Variants in LMTK3 observed in about 807,000 individuals in gnomAD.
LMTK3 encodes the protein serine/threonine-protein kinase LMTK3.
LMTK3 carries 27 observed loss-of-function variants against 116.7 expected under a neutral mutation model. That is an observed-to-expected ratio of 0.23 (90% CI 0.17 to 0.32). LMTK3 has a LOEUF of 0.32. Ranked by LOEUF, LMTK3 falls within the 10% of genes least tolerant of loss-of-function variation. The probability of loss-of-function intolerance (pLI) is 1.00; values close to 1 mark genes in which losing one functional copy is unlikely to be tolerated. For synonymous variants in LMTK3, 965 were observed against 971.0 expected, an observed-to-expected ratio of 0.99 and a Z score of 0.11; for missense variants, 1,764 against 2,068.5, an observed-to-expected ratio of 0.85 and a Z score of 2.86.
chr19:48,488,057 C>T (rs145045382), intron 14 of LMTK3, among the ~76,000 whole-genome samples: 14 of 152,082 alleles, frequency 9.2e-5, no homozygotes, highest in Non-Finnish European at 1.9e-4. Context: ...GTCAACTGAG[C>T]GAAAGGATTT....
rs896559641 is a variant in LMTK3, at chr19:48,494,043, G to A, written c.3743C>T (p.Pro1248Leu). The A allele has an allele frequency of 1.0e-5, 12 of 1,173,286 alleles. No individual in the cohort carries two copies. The Admixed American group carries it at 4.6e-4, about 45-fold the overall frequency. The allele number at this position is 1,173,286 out of a possible 1,614,324, so 72.7% of individuals were successfully genotyped here. ...LTLTPFPGPGPRRPPWEGADA... is the reference protein window; with the variant it reads ...LTLTPFPGPGLRRPPWEGADA... ...CGCGCCCTCCCACGGGGGCCGCCGC[G>A]GGCCCGGCCCCGGGAATGGCGTGAG... The change falls in exon 12 of 15, where the codon CCG becomes CTG. Residue 1248 changes from proline (P) to leucine (L), a missense_variant. By Grantham distance (98) the Pro-to-Leu change is moderately conservative (BLOSUM62 -3). Coordinates refer to ENST00000600059, the MANE Select transcript of LMTK3 (RefSeq NM_001388485.1). This position sits in a 1 kb window ranked among gnomAD's most constrained non-coding sequence, Gnocchi z 4.0.
rs1601043776 is a variant in LMTK3, at chr19:48,493,833, G to A, written c.3953C>T (p.Ala1318Val). ...AAPVPVVVSS[A>V]DADAARPLRG... ...CAGCGGGCGGGCCGCGTCCGCGTCG[G>A]CGCTGCTCACCACGACGGGCACCGG... The change falls in exon 12 of 15, where the codon GCC becomes GTC. Residue 1318 changes from alanine to valine, a missense_variant. Around this residue, in one of 7 missense-constraint regions of LMTK3, gnomAD observed 281 missense variants for 301.4 expected, o/e 0.93. Coordinates refer to ENST00000600059, the MANE Select transcript of LMTK3 (RefSeq NM_001388485.1). 6.8e-7 allele frequency: 1 copy of A among 1,471,700 alleles called. No homozygotes were observed. Among genetic ancestry groups the A allele is most frequent in the Non-Finnish European group, 9.0e-7 (1 of 1,112,252 alleles). 91.2% of individuals were successfully genotyped at this position (1,471,700 alleles called of 1,614,324 possible).
At position 48,500,001 on chromosome 19, in the gene LMTK3, A is replaced by G; in HGVS notation, c.1152-84T>C. 7.5e-7 allele frequency: 1 copy of G among 1,335,892 alleles called. No homozygotes were observed. Among genetic ancestry groups the G allele is most frequent in the Non-Finnish European group, 1.0e-6 (1 of 991,838 alleles). 82.8% of individuals were successfully genotyped at this position (1,335,892 alleles called of 1,614,324 possible). A position where few individuals can be genotyped will look rare whatever the true frequency, so the allele number is the denominator to read the frequency against. ...AGGGAGGGGACAGACAACCAGAGAG[A>G]GGGGGACAGAGACCCAGAGGGTAAC... On this transcript the variant is annotated intron_variant, in intron 10 of 14. Coordinates refer to ENST00000600059, the MANE Select transcript of LMTK3 (RefSeq NM_001388485.1). The surrounding 1 kb of genome is among the most constrained non-coding windows in gnomAD (Gnocchi z 4.0).
intron 11 of LMTK3, among the ~76,000 whole-genome samples, chr19:48,496,605 T>C (rs919763942): frequency 5.3e-5 from 8 of 152,214 alleles, no homozygotes; most frequent in East Asian, 3.9e-4. Flanking sequence ...GCCCGGCCCA[T>C]GCCTGGCTAA....
intron 5 of LMTK3, among the ~76,000 whole-genome samples, chr19:48,506,784 C>T (rs566184091): frequency 1.1e-3 from 170 of 152,278 alleles, no homozygotes; most frequent in Non-Finnish European, 9.0e-4. Context: ...CCTGCCTCAG[C>T]CTCCTGAGTA....
Position 48,485,683 on chromosome 19 carries a change from C to G in LMTK3, c.*90G>C, listed in dbSNP as rs564937602. 45 of 1,443,954 alleles carry G rather than the reference C, an allele frequency of 3.1e-5. No homozygotes were observed. The East Asian group carries it at 1.0e-3, about 33-fold the overall frequency. 89.4% of individuals were successfully genotyped at this position (1,443,954 alleles called of 1,614,324 possible). On this transcript the variant is annotated 3_prime_UTR_variant, in exon 15 of 15. Transcript: ENST00000600059. The stretch of plus-strand genomic sequence containing the variant: ...TCGGGGGCCTCCCCAGAGGCGGCGT[C>G]TGCGGTGGTGGCAGTGGCGCCGTCA...
Position 48,502,421 on chromosome 19 carries a change from C to G in LMTK3, c.794+12G>C. Reference sequence around the variant, plus strand: ...CTTAGTAGCTCCTCCCGCGGCTCCCCGGCCCGCCCACCTGTGCACGTAGTT... The same window carrying G: ...CTTAGTAGCTCCTCCCGCGGCTCCCGGGCCCGCCCACCTGTGCACGTAGTT... On this transcript the variant is annotated intron_variant, in intron 7 of 14. Coordinates refer to ENST00000600059, the MANE Select transcript of LMTK3 (RefSeq NM_001388485.1). 1 of 1,608,342 alleles carries G rather than the reference C, an allele frequency of 6.2e-7. No individual in the cohort carries two copies. Among genetic ancestry groups the G allele is most frequent in the Non-Finnish European group, 8.5e-7 (1 of 1,178,200 alleles).
intron 1 of LMTK3, 64 bp from the exon 2 acceptor site, chr19:48,510,656 C>CA (rs1972642041): frequency 1.4e-6 from 2 of 1,472,194 alleles, no homozygotes; most frequent in African/African-American, 2.9e-5. Context: ...ATCATGCCCC[C>CA]TCCCGTCCCG....
upstream of LMTK3, chr19:48,513,174 A>T: frequency 6.2e-7 from 1 of 1,602,986 alleles, no homozygotes; most frequent in Non-Finnish European, 8.5e-7. The surrounding 1 kb of genome is among the most constrained non-coding windows in gnomAD (Gnocchi z 5.6). Flanking sequence ...TTACACAACC[A>T]CAGCACTTGC....
At chr19:48,507,758 A>G (rs1972594806) in intron 5 of LMTK3, among the ~76,000 whole-genome samples, 1 of 152,190 alleles carries the variant, frequency 6.6e-6, no homozygotes, top group Non-Finnish European at 1.5e-5. Flanking sequence ...CTACACGAGT[A>G]TACCACCGTG....
Position 48,501,118 on chromosome 19 carries a change from C to G in LMTK3, c.1029G>C (p.Leu343=). 6.2e-7 allele frequency: 1 copy of G among 1,606,240 alleles called. No individual in the cohort carries two copies. The highest frequency in any genetic ancestry group is 1.7e-5 in the Admixed American group (1 of 58,844). The stretch of plus-strand genomic sequence containing the variant: ...GGTAGGGCTGGGCCCCAAACTCAAA[C>G]AGCTCCCACAGGGTCACCCCCAGGG... ...IWSLGVTLWE[L]FEFGAQPYRH... The change falls in exon 10 of 15, where the codon CTG becomes CTC. Residue 343 remains leucine (L), a synonymous_variant. Transcript: ENST00000600059.
chr19:48,488,888 C>A (rs975244576), intron 14 of LMTK3, among the ~76,000 whole-genome samples: 1 of 152,078 alleles, frequency 6.6e-6, no homozygotes, highest in Non-Finnish European at 1.5e-5. Context: ...TACAGGCATG[C>A]GCCACCATAC....
chr19:48,496,384 C>T (rs556528736), intron 11 of LMTK3, among the ~76,000 whole-genome samples: 38 of 152,138 alleles, frequency 2.5e-4, no homozygotes, highest in Non-Finnish European at 4.4e-4. Context: ...GTGCAAACTC[C>T]GCCTCCTGGC....
Position 48,502,475 on chromosome 19 carries a change from G to A in LMTK3, c.752C>T (p.Ala251Val). Residue 251 changes from alanine to valine, a missense_variant, in exon 7 of 15, where the codon GCC becomes GTC. Transcript: ENST00000600059. ...RTLQRMGLEI[A>V]RGLAHLHSHN... ...GGAATGCAGGTGCGCCAGCCCGCGG[G>A]CGATCTCCAGGCCCATCCTCTGCAG... The A allele has an allele frequency of 6.2e-7, 1 of 1,611,250 alleles. No homozygotes were observed. Among genetic ancestry groups the A allele is most frequent in the Non-Finnish European group, 8.5e-7 (1 of 1,179,170 alleles).
At position 48,511,444 on chromosome 19, in the gene LMTK3, G is replaced by C. The variant is rs982244346; in HGVS notation, c.76+57C>G. On this transcript the variant is annotated intron_variant, in intron 1 of 14. Coordinates refer to ENST00000600059, the MANE Select transcript of LMTK3 (RefSeq NM_001388485.1). ...CCGCAGACAGACCCCTGGGCAGACA[G>C]CGAGGCCGCCGCGGGGGTGGGGGCC... 7.9e-6 allele frequency: 6 copies of C among 756,676 alleles called. No homozygotes were observed. The Admixed American group carries it at 1.1e-4, about 14-fold the overall frequency. 46.9% of individuals were successfully genotyped at this position (756,676 alleles called of 1,614,324 possible).
intron 14 of LMTK3, among the ~76,000 whole-genome samples, chr19:48,486,953 C>T (rs1480177762): frequency 1.3e-5 from 2 of 152,068 alleles, no homozygotes; most frequent in East Asian, 1.9e-4. Context: ...GAAACCTTCG[C>T]CTCCTGGATT....
chr19:48,489,642 G>T (rs988123585), intron 14 of LMTK3, among the ~76,000 whole-genome samples: 2 of 152,212 alleles, frequency 1.3e-5, no homozygotes, highest in Non-Finnish European at 2.9e-5. Flanking sequence ...GCGCTGTGCT[G>T]CATACTCGGG....
upstream of LMTK3, chr19:48,513,373 G>C: frequency 1.6e-6 from 1 of 610,730 alleles, no homozygotes; most frequent in South Asian, 1.9e-5. This position sits in a 1 kb window ranked among gnomAD's most constrained non-coding sequence, Gnocchi z 5.6. Flanking sequence ...GGCACAGCGC[G>C]GGGTAGTCAC....
In LMTK3 at chr19:48,500,648, A is replaced by G. The variant is rs1300416321; in HGVS notation, c.1151+348T>C. Reference sequence around the variant, plus strand: ...AAGCAGGGGTGGGGGGAAGATGCCCATAGAGAGAGGCTGACGGGACCTGGA... The same window carrying G: ...AAGCAGGGGTGGGGGGAAGATGCCCGTAGAGAGAGGCTGACGGGACCTGGA... On this transcript the variant is annotated intron_variant, in intron 10 of 14. Transcript: ENST00000600059. The surrounding 1 kb of genome is among the most constrained non-coding windows in gnomAD (Gnocchi z 4.0). 6.6e-6 allele frequency among the ~76,000 whole-genome samples: 1 copy of G among 152,178 alleles called. No individual in the cohort carries two copies. Among genetic ancestry groups the G allele is most frequent in the Non-Finnish European group, 1.5e-5 (1 of 68,018 alleles).
Sources: gnomAD v4.1 joint callset for allele counts (sites outside exome capture counted in the v4.1 genomes callset) on GRCh38, gnomAD v4.1.1 for gene constraint, gnomAD v4.1.1 regional missense constraint, Gnocchi (gnomAD v3.1) non-coding constraint, MANE v1.5 for transcripts, NCBI Gene and HGNC (gene_info 2026-07-23, HGNC 2026-07-21) for gene names.